The following KALRN variants were observed in gnomAD, a reference collection of about 807,000 sequenced individuals.
The protein encoded by KALRN is kalirin RhoGEF kinase.
A neutral mutation model predicts 353.7 loss-of-function variants in KALRN; 70 were observed. The ratio of observed to expected loss-of-function variants is 0.20; its 90% CI spans 0.16 to 0.24. The LOEUF is 0.24. Among genes scored for constraint, KALRN ranks in the 10% least tolerant of loss-of-function variants. The pLI, the probability that KALRN is intolerant of heterozygous loss-of-function variation, is 1.00. For missense variants in KALRN, 2,791 were observed against 3,756.7 expected (o/e 0.74, Z 6.72); for synonymous variants, 1,391 against 1,434.8 (o/e 0.97, Z 0.69).
chr3:124,285,942 T>A (rs1380344935), intron 5 of KALRN, among the ~76,000 whole-genome samples: 1 of 152,186 alleles, frequency 6.6e-6, no homozygotes. Flanking sequence ...ATAGAACATG[T>A]CAGTCATCAC....
chr3:124,367,389 C>T (rs1370090494), intron 10 of KALRN, among the ~76,000 whole-genome samples: 1 of 40,502 alleles, frequency 2.5e-5, no homozygotes, highest in Admixed American at 1.9e-4. Context: ...ACCTCCCGGA[C>T]GGGGCGGCTG....
chr3:124,370,600 T>A (rs1222245323), intron 10 of KALRN, among the ~76,000 whole-genome samples: 1 of 152,246 alleles, frequency 6.6e-6, no homozygotes, highest in African/African-American at 2.4e-5. Context: ...TGGTAGCCAT[T>A]GCTTTGATTG....
chr3:124,167,252 A>G (rs937839122), intron 1 of KALRN, among the ~76,000 whole-genome samples: 1 of 152,164 alleles, frequency 6.6e-6, no homozygotes, highest in Non-Finnish European at 1.5e-5. Flanking sequence ...CCTGTTAAGC[A>G]GGAGACTCTG....
At chr3:124,456,899 G>T (rs1350706593) in intron 23 of KALRN, among the ~76,000 whole-genome samples, 171 bp downstream of exon 23, 1 of 152,198 alleles carries the variant, frequency 6.6e-6, no homozygotes, top group East Asian at 1.9e-4. Flanking sequence ...AGGCTTTGAA[G>T]TCTCTCCAGT....
intron 23 of KALRN, among the ~76,000 whole-genome samples, chr3:124,461,364 T>C (rs530598014): frequency 7.2e-5 from 11 of 152,168 alleles, no homozygotes; most frequent in African/African-American, 2.4e-4. Context: ...TATAGAAAAA[T>C]TGCTAACCCC....
chr3:124,143,656 G>GAGA (rs2066914379), intron 1 of KALRN, among the ~76,000 whole-genome samples: 1 of 152,142 alleles, frequency 6.6e-6, no homozygotes, highest in Non-Finnish European at 1.5e-5. Flanking sequence ...AATGGAGAGA[G>GAGA]AGAAACATAC....
At chr3:124,300,304 G>A (rs2077163389) in intron 6 of KALRN, among the ~76,000 whole-genome samples, 2 of 152,188 alleles carry the variant, frequency 1.3e-5, no homozygotes, top group Admixed American at 1.3e-4. Flanking sequence ...ATAGAGATAT[G>A]CCGAGTTAAC....
At chr3:124,274,075 A>T (rs1416520758) in intron 5 of KALRN, among the ~76,000 whole-genome samples, 1 of 152,220 alleles carries the variant, frequency 6.6e-6, no homozygotes, top group Admixed American at 6.5e-5. Flanking sequence ...AAGTAGACTC[A>T]TTGTAGATGT....
intron 48 of KALRN, among the ~76,000 whole-genome samples, chr3:124,672,618 G>A (rs973825882): frequency 2.0e-5 from 3 of 152,162 alleles, no homozygotes; most frequent in Non-Finnish European, 4.4e-5. Flanking sequence ...AATGTTTGTC[G>A]TCGATAATCC....
chr3:124,327,905 C>G (rs1238323733), intron 7 of KALRN, among the ~76,000 whole-genome samples: 4 of 152,206 alleles, frequency 2.6e-5, no homozygotes, highest in Admixed American at 6.5e-5. Context: ...TTCATTCACC[C>G]TTAGGCAAGT....
At chr3:124,067,283 G>A (rs2149247535) in intron 1 of KALRN, among the ~76,000 whole-genome samples, 1 of 151,966 alleles carries the variant, frequency 6.6e-6, no homozygotes, top group African/African-American at 2.4e-5. Flanking sequence ...CCCTGACCTT[G>A]ACGGTTCTTT....
chr3:124,298,937 C>CA lies in KALRN; in HGVS notation c.1092+25dup, dbSNP rs1363866319. 3.1e-6 allele frequency: 5 copies of CA among 1,613,888 alleles called. No individual in the cohort carries two copies. In the African/African-American group the frequency reaches 4.0e-5, roughly 13 times the overall value. ...TGGTGAGCTGAGGGGCTGTTCTCAG[C>CA]ACTGCCTCTGGGAGTGGGAGAGTGG... On this transcript the variant is annotated intron_variant, in intron 6 of 59. Coordinates refer to ENST00000682506, the MANE Select transcript of KALRN (RefSeq NM_001388419.1).
chr3:124,155,291 T>C (rs554870259), intron 1 of KALRN, among the ~76,000 whole-genome samples: 7 of 152,302 alleles, frequency 4.6e-5, no homozygotes, highest in African/African-American at 1.4e-4. Flanking sequence ...AGATTTTTTT[T>C]CTCCTGTTTT....
intron 1 of KALRN, among the ~76,000 whole-genome samples, chr3:124,184,917 G>A (rs192383140): frequency 6.6e-6 from 1 of 152,318 alleles, no homozygotes; most frequent in Non-Finnish European, 1.5e-5. Flanking sequence ...ATTTTGAAGG[G>A]TGGATCTGTA....
At chr3:124,337,357 G>T (rs2081240776) in intron 9 of KALRN, among the ~76,000 whole-genome samples, 1 of 152,120 alleles carries the variant, frequency 6.6e-6, no homozygotes, top group African/African-American at 2.4e-5. Context: ...GCATGAAGGG[G>T]TGTTGAATTT....
rs1472647099 is a variant in KALRN at position 124,482,797 on chromosome 3, CA to C, written c.4192-10del. 5 of 1,588,076 alleles carry C rather than the reference CA, an allele frequency of 3.1e-6. No individual in the cohort carries two copies. The highest frequency in any genetic ancestry group is 4.3e-6 in the Non-Finnish European group (5 of 1,156,254). ...TCTGTGTCTAATTGCACATTGTTCTCATCCCTGCAGGAGATACAACAGCGGC... is the reference window on the plus strand; with the variant it reads ...TCTGTGTCTAATTGCACATTGTTCTCTCCCTGCAGGAGATACAACAGCGGC... On this transcript the variant is annotated splice_polypyrimidine_tract_variant and intron_variant, in intron 27 of 59. Transcript: ENST00000682506.
intron 6 of KALRN, among the ~76,000 whole-genome samples, chr3:124,316,335 G>A (rs986650409): frequency 2.1e-5 from 3 of 143,714 alleles, no homozygotes; most frequent in Non-Finnish European, 3.1e-5. Flanking sequence ...CTGCCTAAAG[G>A]TGAGGTCCGT....
At chr3:124,703,930 A>G (rs1362302157) in intron 57 of KALRN, among the ~76,000 whole-genome samples, 1 of 152,108 alleles carries the variant, frequency 6.6e-6, no homozygotes, top group East Asian at 1.9e-4. Flanking sequence ...TCAGTCTCCC[A>G]AAGTGTGGGA....
chr3:124,574,696 G>C (rs1394639945), intron 34 of KALRN, among the ~76,000 whole-genome samples: 1 of 152,224 alleles, frequency 6.6e-6, no homozygotes, highest in African/African-American at 2.4e-5. Flanking sequence ...CTTACAGCTA[G>C]CTAAGCTGAA....
Sources: gnomAD v4.1 joint callset for allele counts (sites outside exome capture counted in the v4.1 genomes callset) on GRCh38, gnomAD v4.1.1 for gene constraint, MANE v1.5 for transcripts, NCBI Gene and HGNC (gene_info 2026-07-23, HGNC 2026-07-21) for gene names.